The following CCDC40 variants were observed in gnomAD, a reference collection of about 807,000 sequenced individuals.
CCDC40 encodes coiled-coil domain-containing protein 40.
In CCDC40, 104 loss-of-function variants were observed where a neutral mutation model predicts 124.5. The observed-to-expected ratio is 0.84, with a 90% CI of 0.71 to 0.98. The LOEUF (loss-of-function observed/expected upper bound fraction) is 0.98, where lower values mean the gene tolerates loss of function less well. Ranked by LOEUF, CCDC40 falls within the 50% of genes least tolerant of loss-of-function variation. The pLI is 0.00. For missense variants in CCDC40, 1,463 were observed against 1,503.9 expected, an observed-to-expected ratio of 0.97 and a Z score of 0.45; for synonymous variants, 580 against 602.9, an observed-to-expected ratio of 0.96 and a Z score of 0.56.
intron 2 of CCDC40, 91 bp downstream of exon 2, chr17:80,038,277 T>C: frequency 1.1e-6 from 1 of 890,162 alleles, no homozygotes; most frequent in Admixed American, 2.0e-5. Flanking sequence ...ACGCCTGTAA[T>C]CCCAACACTT....
intron 2 of CCDC40, 52 bp from the exon 3 acceptor site, chr17:80,039,760 C>T: frequency 6.3e-7 from 1 of 1,595,338 alleles, no homozygotes; most frequent in South Asian, 1.1e-5. Flanking sequence ...TAAAACCTCA[C>T]AAGGTCCTTT....
chr17:80,059,901 C>T (rs148413674), intron 9 of CCDC40, among the ~76,000 whole-genome samples: 103 of 152,222 alleles, frequency 6.8e-4, no homozygotes, highest in African/African-American at 2.2e-3. Context: ...CGGATGAGCA[C>T]GCTGGGCTCC....
At position 80,037,892 on chromosome 17, in the gene CCDC40, A is replaced by G. The variant is rs3764440; in HGVS notation, c.30-231A>G. The G allele has an allele frequency of 0.25, 109,590 of 438,924 alleles. 15,319 individuals carry two copies. The highest frequency in any genetic ancestry group is 0.46 in the African/African-American group (22,618 of 49,146). 27.2% of individuals were successfully genotyped at this position (438,924 alleles called of 1,614,324 possible). A position where few individuals can be genotyped will look rare whatever the true frequency, so the allele number is the denominator to read the frequency against. Reference sequence around the variant, plus strand: ...CCTGCTGTTCCTTCGATGTTTTAATAATTATATTTTTCATTCATTCATGGA... The same window carrying G: ...CCTGCTGTTCCTTCGATGTTTTAATGATTATATTTTTCATTCATTCATGGA... On this transcript the variant is annotated intron_variant, in intron 1 of 19. Coordinates refer to ENST00000397545, the MANE Select transcript of CCDC40 (RefSeq NM_017950.4).
Position 80,058,092 on chromosome 17 carries a change from C to T in CCDC40, c.1160-402C>T, listed in dbSNP as rs981254522. On this transcript the variant is annotated intron_variant, in intron 7 of 19. Transcript: ENST00000397545. The surrounding 1 kb of genome is among the most constrained non-coding windows in gnomAD (Gnocchi z 4.2). ...TGGAGCTCAGCCTGCCCTGGATGTT[C>T]TCGTCTCCTCCCAGGGGACTTAAGA... 6.6e-6 allele frequency among the ~76,000 whole-genome samples: 1 copy of T among 152,106 alleles called. No homozygotes were observed. Among genetic ancestry groups the T allele is most frequent in the Non-Finnish European group, 1.5e-5 (1 of 68,030 alleles).
intron 10 of CCDC40, among the ~76,000 whole-genome samples, chr17:80,070,532 T>A (rs943993855): frequency 3.3e-5 from 5 of 152,140 alleles, no homozygotes; most frequent in Non-Finnish European, 5.9e-5. Flanking sequence ...GTCCAGGAAT[T>A]TGAGGCTGCA....
chr17:80,097,382 G>T lies in CCDC40; in HGVS notation c.3159G>T (p.Arg1053=). 2 of 1,613,980 alleles carry T rather than the reference G, an allele frequency of 1.2e-6. No individual in the cohort carries two copies. Among genetic ancestry groups the T allele is most frequent in the East Asian group, 2.2e-5 (1 of 44,876 alleles). Residue 1053 remains arginine (R), a synonymous_variant, in exon 19 of 20, where the codon CGG becomes CGT. Transcript: ENST00000397545. ...ACACACTCGAGGCCGACCTCACCCG[G>T]CTTGGGGCCCTCAAACGACAGGTAA... ...DFDTLEADLT[R]LGALKRQNLS...
In CCDC40 at chr17:80,037,690, G is replaced by GATATAT. The variant is rs757748232; in HGVS notation, c.30-428_30-427insTATATA. On this transcript the variant is annotated intron_variant, in intron 1 of 19. Transcript: ENST00000397545. ...CTTGAATCTTTAATTTTTTAAAAAA[G>GATATAT]ATATACATATATATATATATATATA... 7.0e-3 allele frequency among the ~76,000 whole-genome samples: 640 copies of GATATAT among 92,056 alleles called. 33 individuals are homozygous for GATATAT. Among genetic ancestry groups the GATATAT allele is most frequent in the African/African-American group, 0.016 (404 of 25,438 alleles). The allele number at this position is 92,056 out of a possible 152,430, so 60.4% of individuals were successfully genotyped here.
In CCDC40 at chr17:80,099,920, C is replaced by T. The variant is rs967827892; in HGVS notation, c.*145C>T. ...GTTTAAGAGAAATAAGCCAGCCCCA[C>T]CCATAGGAATCTTTTTAGCCACTCA... is the stretch of plus-strand genomic sequence containing the variant. On this transcript the variant is annotated 3_prime_UTR_variant, in exon 20 of 20. Coordinates refer to ENST00000397545, the MANE Select transcript of CCDC40 (RefSeq NM_017950.4). 8.1e-6 allele frequency: 7 copies of T among 865,722 alleles called. No homozygotes were observed. The African/African-American group carries it at 1.0e-4, about 13-fold the overall frequency. 53.6% of individuals were successfully genotyped at this position (865,722 alleles called of 1,614,324 possible).
At chr17:80,046,253 G>A (rs1018006230) in intron 3 of CCDC40, among the ~76,000 whole-genome samples, 2 of 152,126 alleles carry the variant, frequency 1.3e-5, no homozygotes, top group African/African-American at 4.8e-5. Flanking sequence ...ATTCAGAAGT[G>A]GTTCCCCCAG....
At position 80,058,912 on chromosome 17, in the gene CCDC40, G is replaced by T. The variant is rs372976809; in HGVS notation, c.1372G>T (p.Ala458Ser). Reference sequence around the variant, plus strand: ...AGCCCAGCAACTGGAAGAAGACATTGCCCTGTTTGAGGCTCAGTACTTGGC... The same window carrying T: ...AGCCCAGCAACTGGAAGAAGACATTTCCCTGTTTGAGGCTCAGTACTTGGC... The part of the protein sequence containing the change: ...TRAQQLEEDI[A>S]LFEAQYLAQA... The change falls in exon 9 of 20, where the codon GCC (alanine) becomes TCC (serine). Residue 458 changes from alanine to serine, a missense_variant. Ala to Ser is a moderately conservative substitution (Grantham distance 99). Coordinates refer to ENST00000397545, the MANE Select transcript of CCDC40 (RefSeq NM_017950.4). The surrounding 1 kb of genome is among the most constrained non-coding windows in gnomAD (Gnocchi z 4.2). 2.5e-6 allele frequency: 4 copies of T among 1,614,044 alleles called. No homozygotes were observed. The East Asian group carries it at 8.9e-5, about 36-fold the overall frequency.
chr17:80,043,448 A>G (rs1301097125), intron 3 of CCDC40, among the ~76,000 whole-genome samples: 1 of 152,072 alleles, frequency 6.6e-6, no homozygotes, highest in African/African-American at 2.4e-5. Context: ...ATTTATACAT[A>G]CACCATGTAC....
At chr17:80,062,723 G>C (rs551365193) in intron 9 of CCDC40, among the ~76,000 whole-genome samples, 6 of 152,080 alleles carry the variant, frequency 3.9e-5, no homozygotes, top group Non-Finnish European at 8.8e-5. Flanking sequence ...AGGACTATAA[G>C]CACATGCCAC....
chr17:80,048,388 G>A (rs547634440), intron 4 of CCDC40, 195 bp from the exon 5 acceptor site: 140 of 639,342 alleles, frequency 2.2e-4, no homozygotes, highest in Middle Eastern at 1.6e-3. Flanking sequence ...GCTTTCTCTG[G>A]GATGCATTGA....
intron 7 of CCDC40, among the ~76,000 whole-genome samples, chr17:80,054,201 C>G (rs1264630838): frequency 6.6e-6 from 1 of 151,954 alleles, no homozygotes; most frequent in African/African-American, 2.4e-5. Flanking sequence ...GCTGGCTTAT[C>G]TGGCAATAAA....
At chr17:80,075,323 G>T (rs1404874380) in intron 10 of CCDC40, among the ~76,000 whole-genome samples, 2 of 148,880 alleles carry the variant, frequency 1.3e-5, no homozygotes, top group Non-Finnish European at 3.0e-5. Flanking sequence ...TGTCGCCCAG[G>T]CTGGAGTGCA....
At position 80,058,793 on chromosome 17, in the gene CCDC40, G is replaced by A; in HGVS notation, c.1318-65G>A. 6.2e-7 allele frequency: 1 copy of A among 1,612,332 alleles called. No individual in the cohort carries two copies. Among genetic ancestry groups the A allele is most frequent in the Non-Finnish European group, 8.5e-7 (1 of 1,178,792 alleles). On this transcript the variant is annotated intron_variant, in intron 8 of 19. Transcript: ENST00000397545. This position sits in a 1 kb window ranked among gnomAD's most constrained non-coding sequence, Gnocchi z 4.2. ...GTGGCGTCAACTTGTATCAAGGGTTGGTGGAGAACAGGCCCTCAGCCACGG... is the reference window on the plus strand; with the variant it reads ...GTGGCGTCAACTTGTATCAAGGGTTAGTGGAGAACAGGCCCTCAGCCACGG...
chr17:80,090,753 G>C (rs1038189469), intron 17 of CCDC40: 1 of 1,377,426 alleles, frequency 7.3e-7, no homozygotes, highest in Non-Finnish European at 9.4e-7. Flanking sequence ...TAAAGGTTCA[G>C]GGCCTTAAGG....
At chr17:80,063,698 C>T (rs1160176375) in intron 9 of CCDC40, among the ~76,000 whole-genome samples, 2 of 152,206 alleles carry the variant, frequency 1.3e-5, no homozygotes, top group Admixed American at 1.3e-4. Flanking sequence ...GACACCTGCA[C>T]CCCCATGGCC....
At position 80,081,558 on chromosome 17, in the gene CCDC40, T is replaced by G. The variant is rs757226965; in HGVS notation, c.1575T>G (p.His525Gln). Residue 525 changes from histidine to glutamine, a missense_variant, in exon 11 of 20, where the codon CAT (histidine) becomes CAG (glutamine). Physicochemically the swap from His to Gln is conservative, Grantham distance 24 (BLOSUM62 0). Transcript: ENST00000397545. ...AVLEALRGCQ[H>Q]QAKSTDGEIE... Reference sequence around the variant, plus strand: ...TGCATTTCTACAGAGGATGCCAGCATCAAGCCAAATCCACCGACGGCGAGA... The same window carrying G: ...TGCATTTCTACAGAGGATGCCAGCAGCAAGCCAAATCCACCGACGGCGAGA... 1.2e-6 allele frequency: 2 copies of G among 1,613,608 alleles called. No homozygotes were observed. The highest frequency in any genetic ancestry group is 8.5e-7 in the Non-Finnish European group (1 of 1,180,044).
Sources: gnomAD v4.1 joint callset for allele counts (sites outside exome capture counted in the v4.1 genomes callset) on GRCh38, gnomAD v4.1.1 for gene constraint, Gnocchi (gnomAD v3.1) non-coding constraint, MANE v1.5 for transcripts, NCBI Gene and HGNC (gene_info 2026-07-23, HGNC 2026-07-21) for gene names.